The following CDH18 variants were observed in gnomAD, a reference collection of about 807,000 sequenced individuals.
CDH18 encodes the protein cadherin 18.
Under a neutral mutation model 67.9 loss-of-function variants are expected in CDH18, and 31 were observed. The observed-to-expected ratio is 0.46, with a 90% CI of 0.34 to 0.62. CDH18 has a LOEUF of 0.62. CDH18 is among the 20% of genes least tolerant of loss of function. The pLI, the probability that CDH18 is intolerant of heterozygous loss-of-function variation, is 0.01. For synonymous variants in CDH18, 362 were observed against 347.2 expected, an observed-to-expected ratio of 1.04 and a Z score of -0.48; for missense variants, 890 against 975.5, an observed-to-expected ratio of 0.91 and a Z score of 1.17.
chr5:19,673,130 T>G (rs1328295505), intron 5 of CDH18, among the ~76,000 whole-genome samples: 2 of 152,062 alleles, frequency 1.3e-5, no homozygotes, highest in Non-Finnish European at 2.9e-5. Context: ...AAATGAGAGA[T>G]AATCCAGGGA....
intron 1 of CDH18, among the ~76,000 whole-genome samples, chr5:20,448,182 G>T (rs1750156152): frequency 1.3e-5 from 2 of 151,906 alleles, no homozygotes; most frequent in Non-Finnish European, 2.9e-5. Flanking sequence ...AGTTTGCTGA[G>T]AATGATGGTT....
chr5:20,048,977 TAAATA>T (rs1412009306), intron 2 of CDH18, among the ~76,000 whole-genome samples: 1 of 151,784 alleles, frequency 6.6e-6, no homozygotes, highest in African/African-American at 2.4e-5. Flanking sequence ...TACACTGGTT[TAAATA>T]AAATAGAATT....
intron 2 of CDH18, among the ~76,000 whole-genome samples, chr5:20,244,145 A>T (rs373241101): frequency 6.6e-6 from 1 of 151,130 alleles, no homozygotes; most frequent in Non-Finnish European, 1.5e-5. Context: ...AATATCACCA[A>T]CAAAAAGTTG....
chr5:19,811,190 AG>A (rs1373740880), intron 3 of CDH18, among the ~76,000 whole-genome samples: 1 of 148,854 alleles, frequency 6.7e-6, no homozygotes, highest in Non-Finnish European at 1.5e-5. Flanking sequence ...AAAGAGGGAG[AG>A]AAAGAAGGAA....
intron 3 of CDH18, among the ~76,000 whole-genome samples, chr5:19,798,150 G>C (rs1229754047): frequency 2.0e-5 from 3 of 151,954 alleles, no homozygotes; most frequent in Non-Finnish European, 4.4e-5. Flanking sequence ...CTAGGCAGTA[G>C]ATAACATTAT....
Position 19,764,514 on chromosome 5 carries a change from A to G in CDH18, c.229-17278T>C, listed in dbSNP as rs140802582. Among the ~76,000 whole-genome samples the G allele has an allele frequency of 4.3e-3, 660 of 151,946 alleles. 6 individuals carry two copies. Among genetic ancestry groups the G allele is most frequent in the Non-Finnish European group, 7.9e-3 (539 of 67,944 alleles). ...TATAAAGTTAGGGAAGAATATAACC[A>G]AGGCATGAGTCACTTGAGGGAAGGT... On this transcript the variant is annotated intron_variant, in intron 3 of 12. Coordinates refer to ENST00000382275, the MANE Select transcript of CDH18 (RefSeq NM_004934.5).
intron 5 of CDH18, among the ~76,000 whole-genome samples, chr5:19,620,592 G>C (rs1750543460): frequency 6.6e-6 from 1 of 152,018 alleles, no homozygotes; most frequent in Non-Finnish European, 1.5e-5. Context: ...AGAGAGGGGG[G>C]ACATGATCAT....
At chr5:19,485,539 G>A (rs1017549324) in intron 11 of CDH18, among the ~76,000 whole-genome samples, 2 of 152,166 alleles carry the variant, frequency 1.3e-5, no homozygotes, top group Admixed American at 1.3e-4. Context: ...ACAGGCGTGA[G>A]CCACTGCGCC....
Position 20,174,911 on chromosome 5 carries a change from T to C in CDH18, c.-518+80533A>G, listed in dbSNP as rs1159277345. Among the ~76,000 whole-genome samples the C allele has an allele frequency of 2.6e-5, 4 of 152,166 alleles. No individual in the cohort carries two copies. The East Asian group carries it at 7.7e-4, about 29-fold the overall frequency. On this transcript the variant is annotated intron_variant, in intron 2 of 14. Coordinates refer to the CDH18 transcript ENST00000507958. ...GTTGACTTTTTTTGCAATAAGCAAA[T>C]ATCACATTTAAAATAAAATTAGGTT...
chr5:20,029,506 A>G (rs1171564666), intron 2 of CDH18, among the ~76,000 whole-genome samples: 1 of 152,236 alleles, frequency 6.6e-6, no homozygotes, highest in African/African-American at 2.4e-5. Flanking sequence ...TTTAAGTGAT[A>G]TTCAACTTGC....
At chr5:20,084,380 G>A (rs924298020) in intron 2 of CDH18, among the ~76,000 whole-genome samples, 1 of 152,204 alleles carries the variant, frequency 6.6e-6, no homozygotes, top group Non-Finnish European at 1.5e-5. Flanking sequence ...CTGTGGTTTT[G>A]CAGGGTACAG....
intron 1 of CDH18, among the ~76,000 whole-genome samples, chr5:20,296,749 C>T (rs1747571080): frequency 6.6e-6 from 1 of 151,728 alleles, no homozygotes; most frequent in African/African-American, 2.4e-5. Flanking sequence ...ATTTTATACA[C>T]ATTTTAAATA....
At chr5:20,520,446 A>G (rs888130054) in intron 1 of CDH18, among the ~76,000 whole-genome samples, 40 of 152,118 alleles carry the variant, frequency 2.6e-4, no homozygotes, top group African/African-American at 8.0e-4. Context: ...TCTTTGGCAT[A>G]AGTTTGTACC....
At chr5:20,156,433 A>G (rs1028497384) in intron 2 of CDH18, among the ~76,000 whole-genome samples, 3 of 152,122 alleles carry the variant, frequency 2.0e-5, no homozygotes, top group African/African-American at 4.8e-5. Context: ...TTGCAACAAC[A>G]TGGATGCAGC....
At chr5:20,197,081 G>A (rs563611162) in intron 2 of CDH18, among the ~76,000 whole-genome samples, 16 of 152,084 alleles carry the variant, frequency 1.1e-4, no homozygotes, top group South Asian at 6.2e-4. Flanking sequence ...GCAGGATCTC[G>A]GCTAACTGGA....
intron 2 of CDH18, among the ~76,000 whole-genome samples, chr5:20,185,874 T>TC (rs70954642): frequency 2.6e-5 from 4 of 151,184 alleles, no homozygotes; most frequent in Non-Finnish European, 5.9e-5. Context: ...TATTTTTTTT[T>TC]CCCGTGTGAT....
At chr5:19,745,856 G>A (rs981484717) in intron 4 of CDH18, among the ~76,000 whole-genome samples, 1 of 151,820 alleles carries the variant, frequency 6.6e-6, no homozygotes, top group African/African-American at 2.4e-5. Flanking sequence ...GACTAACATG[G>A]GCTGGAATCT....
chr5:19,621,991 T>C (rs796610704), intron 5 of CDH18, among the ~76,000 whole-genome samples: 4 of 152,308 alleles, frequency 2.6e-5, no homozygotes, highest in African/African-American at 9.6e-5. Context: ...CATGAAATCA[T>C]TCACACATTT....
chr5:20,351,672 A>T (rs78445675), intron 1 of CDH18, among the ~76,000 whole-genome samples: 1 of 152,104 alleles, frequency 6.6e-6, no homozygotes, highest in African/African-American at 2.4e-5. Context: ...AAGATATAAT[A>T]GTCATGATAT....
Sources: gnomAD v4.1 joint callset for allele counts (sites outside exome capture counted in the v4.1 genomes callset) on GRCh38, gnomAD v4.1.1 for gene constraint, MANE v1.5 for transcripts, NCBI Gene and HGNC (gene_info 2026-07-23, HGNC 2026-07-21) for gene names.